Variants in UTY observed in about 807,000 individuals in gnomAD.
UTY encodes the protein histone demethylase UTY.
A neutral mutation model predicts 32.5 loss-of-function variants in UTY; 12 were observed. That is an observed-to-expected ratio of 0.37 (90% CI 0.24 to 0.60). The LOEUF (loss-of-function observed/expected upper bound fraction) is 0.60. Among genes scored for constraint, UTY ranks in the 20% least tolerant of loss-of-function variants. The pLI, the probability that UTY is intolerant of heterozygous loss-of-function variation, is 0.69. For missense variants in UTY, 303 were observed against 299.2 expected (o/e 1.01, Z -0.09); for synonymous variants, 131 against 103.4 (o/e 1.27, Z -1.62).
chrY:13,344,183 G>C, intron 17 of UTY, among the ~76,000 whole-genome samples: 1 of 33,929 alleles, frequency 2.9e-5, no homozygotes. Flanking sequence ...TTGAGCAGGA[G>C]AGTGGAAGTT....
chrY:13,265,741 C>T, intron 27 of UTY, among the ~76,000 whole-genome samples: 2 of 33,042 alleles, frequency 6.1e-5, no homozygotes, highest in Non-Finnish European at 7.4e-5. Context: ...TTTCTCCTGC[C>T]TGATTGCCCT....
intron 2 of UTY, among the ~76,000 whole-genome samples, chrY:13,477,148 G>T: frequency 3.0e-5 from 1 of 33,372 alleles, no homozygotes; most frequent in South Asian, 6.5e-4. Context: ...TGGAGAACAG[G>T]TACTATGGTT....
chrY:13,341,597 G>T, intron 17 of UTY, among the ~76,000 whole-genome samples: 1 of 33,010 alleles, frequency 3.0e-5, no homozygotes, highest in Non-Finnish European at 7.4e-5. Flanking sequence ...GTCAGACACG[G>T]ATTTAATTAG....
intron 4 of UTY, among the ~76,000 whole-genome samples, chrY:13,445,325 T>C: frequency 4.8e-5 from 1 of 20,780 alleles, no homozygotes; most frequent in East Asian, 1.2e-3. Flanking sequence ...ATATACTAAG[T>C]AATAAAACAT....
intron 10 of UTY, among the ~76,000 whole-genome samples, chrY:13,362,153 A>C (rs776502840): frequency 5.9e-5 from 2 of 33,988 alleles, no homozygotes; most frequent in African/African-American, 1.1e-4. Context: ...CAATGCACTG[A>C]AACACAGGTC....
At chrY:13,357,107 CT>C (rs2063009642) in intron 15 of UTY, among the ~76,000 whole-genome samples, 1 of 32,677 alleles carries the variant, frequency 3.1e-5, no homozygotes, top group African/African-American at 1.2e-4. Flanking sequence ...CAAGATACAT[CT>C]TTAACAAAAA....
intron 4 of UTY, among the ~76,000 whole-genome samples, chrY:13,446,619 T>TAGATAGATAGATAGACAGACAGACAGAC (rs1556515298): frequency 7.0e-5 from 1 of 14,269 alleles, no homozygotes. Context: ...GATAGATAGA[T>TAGATAGATAGATAGACAGACAGACAGAC]AGACAGACAG....
chrY:13,336,792 G>C (rs2061117834), intron 17 of UTY, among the ~76,000 whole-genome samples: 1 of 33,223 alleles, frequency 3.0e-5, no homozygotes, highest in Non-Finnish European at 7.4e-5. Context: ...TGAAATCATA[G>C]AAAGTATGTT....
intron 21 of UTY, chrY:13,323,213 A>G: frequency 1.3e-5 from 1 of 75,704 alleles, no homozygotes; most frequent in African/African-American, 1.0e-4. Flanking sequence ...CCTGGCCAAC[A>G]TGGTGAAACC....
In UTY at chrY:13,430,778, CA is replaced by C. The variant is rs749665897; in HGVS notation, c.376-15986del. Among the ~76,000 whole-genome samples the C allele has an allele frequency of 4.6e-3, 65 of 14,051 alleles. No homozygotes were observed. The East Asian group carries it at 0.084, about 18-fold the overall frequency. 37.7% of individuals were successfully genotyped at this position (14,051 alleles called of 37,273 possible). On this transcript the variant is annotated intron_variant, in intron 4 of 29. Transcript: ENST00000545955. ...TGAAACTCCATCTCTAACAAAAATA[CA>C]AAAAAAAAAAAAAAATTAACTGGGC... is the stretch of plus-strand genomic sequence containing the variant.
intron 4 of UTY, among the ~76,000 whole-genome samples, chrY:13,434,621 A>G (rs1001396738): frequency 2.6e-4 from 9 of 34,409 alleles, no homozygotes; most frequent in Non-Finnish European, 3.6e-4. Context: ...ACCAAAAGTG[A>G]GCAAGAGTAG....
intron 8 of UTY, among the ~76,000 whole-genome samples, chrY:13,370,468 TTC>T (rs2064791444): frequency 3.0e-5 from 1 of 33,347 alleles, no homozygotes; most frequent in Non-Finnish European, 7.4e-5. Context: ...CTCTTTCTCT[TTC>T]TCTCACACAC....
intron 19 of UTY, 70 bp downstream of exon 19, chrY:13,326,151 C>T: frequency 2.7e-6 from 1 of 364,778 alleles, no homozygotes; most frequent in Non-Finnish European, 3.9e-6. Flanking sequence ...TTAAAGAATA[C>T]ATCGATTTTC....
chrY:13,474,929 G>C, intron 2 of UTY, among the ~76,000 whole-genome samples: 1 of 33,709 alleles, frequency 3.0e-5, no homozygotes, highest in African/African-American at 1.2e-4. Flanking sequence ...TGAGATCAGC[G>C]AGTAAAAGAA....
intron 26 of UTY, among the ~76,000 whole-genome samples, 164 bp from the exon 27 acceptor site, chrY:13,298,012 C>A (rs752451176): frequency 3.0e-5 from 1 of 33,190 alleles, no homozygotes; most frequent in African/African-American, 1.2e-4. Flanking sequence ...TAAAAAAAAA[C>A]CTAACGTAAA....
At chrY:13,258,980 C>T (rs771490755) in intron 28 of UTY, among the ~76,000 whole-genome samples, 1 of 34,211 alleles carries the variant, frequency 2.9e-5, no homozygotes, top group African/African-American at 1.1e-4. Flanking sequence ...TGTGGATTTA[C>T]GGGAATGAGG....
At chrY:13,382,056 A>G in intron 8 of UTY, among the ~76,000 whole-genome samples, 3 of 33,092 alleles carry the variant, frequency 9.1e-5, no homozygotes, top group African/African-American at 3.6e-4. Context: ...GATAAAATAT[A>G]TGCTAATTGT....
intron 27 of UTY, among the ~76,000 whole-genome samples, chrY:13,291,001 C>A: frequency 3.1e-5 from 1 of 31,974 alleles, no homozygotes; most frequent in African/African-American, 1.2e-4. Context: ...CCTGCCTCAG[C>A]CTCCTGAGTA....
intron 27 of UTY, among the ~76,000 whole-genome samples, chrY:13,268,322 T>C (rs2056017437): frequency 3.0e-5 from 1 of 33,774 alleles, no homozygotes; most frequent in African/African-American, 1.2e-4. Context: ...GATTCAGCTA[T>C]TGATATTTGT....
Sources: gnomAD v4.1 joint callset for allele counts (sites outside exome capture counted in the v4.1 genomes callset) on GRCh38, gnomAD v4.1.1 for gene constraint, MANE v1.5 for transcripts, NCBI Gene and HGNC (gene_info 2026-07-23, HGNC 2026-07-21) for gene names.